Variants in ANO4 observed in about 807,000 individuals in gnomAD.
ANO4 encodes anoctamin-4.
ANO4 carries 69 observed loss-of-function variants against 141.9 expected under a neutral mutation model. The observed-to-expected ratio is 0.49, with a 90% CI of 0.40 to 0.59. The LOEUF (loss-of-function observed/expected upper bound fraction) is 0.59. Ranked by LOEUF, ANO4 falls within the 20% of genes least tolerant of loss-of-function variation. The probability of loss-of-function intolerance (pLI) is 0.00; values close to 1 mark genes in which losing one functional copy is unlikely to be tolerated. For synonymous variants in ANO4, 350 were observed against 394.3 expected, an observed-to-expected ratio of 0.89 and a Z score of 1.33; for missense variants, 894 against 1,162.2, an observed-to-expected ratio of 0.77 and a Z score of 3.36.
intron 1 of ANO4, among the ~76,000 whole-genome samples, chr12:100,883,004 G>C (rs1398247929): frequency 6.6e-6 from 1 of 152,128 alleles, no homozygotes; most frequent in Admixed American, 6.6e-5. Context: ...CCCAGCTGGA[G>C]CTCTGTTTAT....
chr12:101,059,442 T>C (rs147006218), intron 14 of ANO4, among the ~76,000 whole-genome samples: 49 of 152,324 alleles, frequency 3.2e-4, no homozygotes, highest in African/African-American at 1.1e-3. Flanking sequence ...AATGGTACCA[T>C]CTCCTCTTTT....
rs1400545950 is a variant in ANO4, at chr12:101,105,811, TC to T, written c.2150-4592del. 1.0e-3 allele frequency among the ~76,000 whole-genome samples: 155 copies of T among 152,346 alleles called. 2 individuals are homozygous for T. The East Asian group carries it at 0.022, about 21-fold the overall frequency. On this transcript the variant is annotated intron_variant, in intron 22 of 27. Transcript: ENST00000392977. Reference sequence around the variant, plus strand: ...AAAATATAAATCTGGAATTAAGAACTCATTTGATATGTTTAATAGCAGATTG... The same window carrying T: ...AAAATATAAATCTGGAATTAAGAACTATTTGATATGTTTAATAGCAGATTG...
intron 5 of ANO4, among the ~76,000 whole-genome samples, chr12:100,959,416 C>G (rs1038998795): frequency 2.0e-5 from 3 of 152,222 alleles, no homozygotes; most frequent in African/African-American, 7.2e-5. Flanking sequence ...GACCCCTATA[C>G]TCTCCTCTAA....
At chr12:100,943,273 T>C (rs2042588602) in intron 5 of ANO4, among the ~76,000 whole-genome samples, 1 of 152,218 alleles carries the variant, frequency 6.6e-6, no homozygotes, top group Non-Finnish European at 1.5e-5. Flanking sequence ...CTAAACATTG[T>C]GCAAAGCTTC....
intron 9 of ANO4, among the ~76,000 whole-genome samples, chr12:101,030,130 C>T (rs566655406): frequency 6.6e-6 from 1 of 152,136 alleles, no homozygotes; most frequent in South Asian, 2.1e-4. Context: ...TCAAGTGGAC[C>T]TAATAGACAT....
intron 2 of ANO4, among the ~76,000 whole-genome samples, chr12:100,737,405 G>T (rs2031663658): frequency 6.6e-6 from 1 of 152,176 alleles, no homozygotes; most frequent in Admixed American, 6.5e-5. Flanking sequence ...CTCCTTGACA[G>T]ACTCCTCCTA....
chr12:100,860,408 G>A (rs1430681943), intron 1 of ANO4, among the ~76,000 whole-genome samples: 1 of 152,088 alleles, frequency 6.6e-6, no homozygotes, highest in African/African-American at 2.4e-5. Flanking sequence ...TGCTCTCCTT[G>A]GTCCAGTGAA....
intron 8 of ANO4, among the ~76,000 whole-genome samples, chr12:101,008,943 T>C (rs1158489128): frequency 6.6e-6 from 1 of 152,174 alleles, no homozygotes; most frequent in Non-Finnish European, 1.5e-5. Flanking sequence ...CATCTTCTGT[T>C]TCCTGTGTAT....
intron 7 of ANO4, among the ~76,000 whole-genome samples, chr12:100,977,670 C>T (rs1476485292): frequency 6.6e-6 from 1 of 152,160 alleles, no homozygotes; most frequent in Non-Finnish European, 1.5e-5. Flanking sequence ...AGGCTGAGCT[C>T]CCATCACCTC....
chr12:100,740,242 A>G (rs1013340918), intron 3 of ANO4: 4 of 609,850 alleles, frequency 6.6e-6, no homozygotes, highest in Admixed American at 5.0e-5. Context: ...CTATGTTCAT[A>G]CTGGCTTTTC....
At chr12:100,877,608 A>G in intron 1 of ANO4, among the ~76,000 whole-genome samples, 1 of 152,000 alleles carries the variant, frequency 6.6e-6, no homozygotes, top group Non-Finnish European at 1.5e-5. Context: ...TGAAAGGTTA[A>G]TTTACTAGAA....
At chr12:101,015,349 T>C (rs1229855054) in intron 8 of ANO4, among the ~76,000 whole-genome samples, 1 of 152,088 alleles carries the variant, frequency 6.6e-6, no homozygotes, top group Non-Finnish European at 1.5e-5. Flanking sequence ...TATGTGCACA[T>C]TTTCCTCTGA....
intron 5 of ANO4, among the ~76,000 whole-genome samples, chr12:100,966,047 G>A (rs565813439): frequency 6.6e-6 from 1 of 152,030 alleles, no homozygotes; most frequent in Admixed American, 6.6e-5. Flanking sequence ...GATACTGAGG[G>A]AAAAAAGACA....
intron 1 of ANO4, among the ~76,000 whole-genome samples, chr12:100,896,169 C>T (rs1439565380): frequency 6.6e-6 from 1 of 152,134 alleles, no homozygotes; most frequent in Non-Finnish European, 1.5e-5. Flanking sequence ...TTCCCAGAAC[C>T]TGCAAGTGTT....
intron 1 of ANO4, among the ~76,000 whole-genome samples, chr12:100,872,608 T>C (rs2039088634): frequency 1.3e-5 from 2 of 152,228 alleles, no homozygotes; most frequent in African/African-American, 4.8e-5. Context: ...TAACATGTTA[T>C]AGTAAGAACC....
intron 1 of ANO4, among the ~76,000 whole-genome samples, chr12:100,798,434 A>C (rs1233081300): frequency 6.6e-6 from 1 of 152,212 alleles, no homozygotes; most frequent in Non-Finnish European, 1.5e-5. Flanking sequence ...ATCTACTTGG[A>C]AAGGAACTTG....
rs142600272 is a variant in ANO4, at chr12:100,730,395, A to G, written c.23-3379A>G. On this transcript the variant is annotated intron_variant, in intron 1 of 29. Coordinates refer to the ANO4 transcript ENST00000644049. ...CTTAAGGAAATTAAACAGCTTGGCC[A>G]TGTTCAAAGAGGTTATGTGTAGCAA... is the stretch of plus-strand genomic sequence containing the variant. Among the ~76,000 whole-genome samples the G allele has an allele frequency of 2.0e-5, 3 of 152,304 alleles. No individual in the cohort carries two copies. The East Asian group carries it at 5.8e-4, about 29-fold the overall frequency.
intron 3 of ANO4, among the ~76,000 whole-genome samples, chr12:100,741,779 T>A (rs993855236): frequency 4.6e-5 from 7 of 152,152 alleles, no homozygotes; most frequent in African/African-American, 1.7e-4. Flanking sequence ...GCTTTTATTG[T>A]GAAGGAAAGC....
intron 1 of ANO4, among the ~76,000 whole-genome samples, chr12:100,879,637 C>T (rs12368383): frequency 1.2e-3 from 181 of 152,260 alleles, no homozygotes; most frequent in Non-Finnish European, 1.7e-3. Flanking sequence ...AAGGCAGCAA[C>T]CACTTCTAGT....
Sources: allele counts gnomAD v4.1 joint callset (sites outside exome capture counted in the v4.1 genomes callset), GRCh38; gene constraint gnomAD v4.1.1; transcripts MANE v1.5; gene names NCBI Gene and HGNC (gene_info 2026-07-23, HGNC 2026-07-21).